DYNC2I1: variants seen among roughly 807,000 people sequenced by gnomAD.
DYNC2I1 encodes the protein dynein 2 intermediate chain 1.
Under a neutral mutation model 133.4 loss-of-function variants are expected in DYNC2I1, and 89 were observed. The observed-to-expected ratio is 0.67, with a 90% CI of 0.56 to 0.80. The LOEUF (loss-of-function observed/expected upper bound fraction) is 0.80, where lower values mean the gene tolerates loss of function less well. DYNC2I1 is among the 30% of genes least tolerant of loss of function. The probability of loss-of-function intolerance (pLI) is 0.00; values close to 1 mark genes in which losing one functional copy is unlikely to be tolerated. For synonymous variants in DYNC2I1, 504 were observed against 484.3 expected (o/e 1.04, Z -0.54); for missense variants, 1,291 against 1,314.5 (o/e 0.98, Z 0.28).
At chr7:158,933,238 ATAAAAC>A (rs892015434) in intron 21 of DYNC2I1, among the ~76,000 whole-genome samples, 1 of 152,218 alleles carries the variant, frequency 6.6e-6, no homozygotes, top group African/African-American at 2.4e-5. Context: ...AAAGGAAAAA[ATAAAAC>A]TAAGTATAGT....
At chr7:158,893,710 C>T (rs1220203878) in intron 8 of DYNC2I1, among the ~76,000 whole-genome samples, 1 of 152,054 alleles carries the variant, frequency 6.6e-6, no homozygotes, top group Non-Finnish European at 1.5e-5. Context: ...GCATATCGTA[C>T]CACATATCGT....
intron 5 of DYNC2I1, 149 bp downstream of exon 5, chr7:158,880,138 G>C: frequency 2.4e-6 from 2 of 835,566 alleles, no homozygotes; most frequent in South Asian, 1.9e-5. Flanking sequence ...TCTTGATTAC[G>C]TGGTTAGTAT....
At chr7:158,848,246 G>A in the DYNC2I1 span, among the ~76,000 whole-genome samples, 1 of 152,184 alleles carries the variant, frequency 6.6e-6, no homozygotes, top group South Asian at 2.1e-4. Flanking sequence ...GCTGAGTGGA[G>A]CACCCCAGAT....
chr7:158,878,638 A>G (rs1176755239), intron 4 of DYNC2I1, among the ~76,000 whole-genome samples: 2 of 138,940 alleles, frequency 1.4e-5, no homozygotes, highest in East Asian at 4.6e-4. Context: ...GGAGGCCAGG[A>G]GGGCCGACTC....
the DYNC2I1 span, among the ~76,000 whole-genome samples, chr7:158,843,778 G>T: frequency 6.6e-5 from 10 of 152,274 alleles, no homozygotes; most frequent in East Asian, 1.9e-3. Context: ...GATTTATTTT[G>T]CTGAGGTTGA....
the DYNC2I1 span, among the ~76,000 whole-genome samples, chr7:158,842,051 C>T: frequency 1.3e-5 from 2 of 152,134 alleles, no homozygotes; most frequent in African/African-American, 2.4e-5. Context: ...TGTTTTGAGA[C>T]GGAGTCTTGC....
chr7:158,859,256 C>G (rs1049515983), intron 1 of DYNC2I1, among the ~76,000 whole-genome samples: 1 of 151,788 alleles, frequency 6.6e-6, no homozygotes, highest in African/African-American at 2.4e-5. Flanking sequence ...AAGAGTTTGG[C>G]TTAGCATAGA....
At chr7:158,916,723 C>G (rs1325726350) in intron 14 of DYNC2I1, among the ~76,000 whole-genome samples, 4 of 59,566 alleles carry the variant, frequency 6.7e-5, no homozygotes, top group East Asian at 4.4e-4. Flanking sequence ...CGCTGGTTGA[C>G]ATTAAGGATG....
At chr7:158,878,366 G>A (rs1463829492) in intron 4 of DYNC2I1, among the ~76,000 whole-genome samples, 4 of 137,218 alleles carry the variant, frequency 2.9e-5, no homozygotes, top group African/African-American at 1.1e-4. Flanking sequence ...GAGGAGGGGA[G>A]GCCAGGAGGG....
intron 4 of DYNC2I1, among the ~76,000 whole-genome samples, chr7:158,953,993 C>T (rs1852131429): frequency 6.6e-6 from 1 of 152,164 alleles, no homozygotes; most frequent in East Asian, 1.9e-4. Flanking sequence ...CTGTAATCCC[C>T]ACGTGTTTTC....
rs1849319738 is a variant in DYNC2I1, at chr7:158,923,668, G to T, written c.2192G>T (p.Arg731Met). Reference sequence around the variant, plus strand: ...GTCTGGGATTTGAGAGAAGACTCAAGGCTGCATTACTCTGTGACGCTGAGC... The same window carrying T: ...GTCTGGGATTTGAGAGAAGACTCAATGCTGCATTACTCTGTGACGCTGAGC... ...VVVWDLREDS[R>M]LHYSVTLSDG... The change falls in exon 17 of 25, where the codon AGG becomes ATG. Residue 731 changes from arginine (R) to methionine (M), a missense_variant. Arg to Met is a moderately conservative substitution (Grantham distance 91). Transcript: ENST00000407559. The T allele has an allele frequency of 1.2e-6, 2 of 1,613,986 alleles. No individual in the cohort carries two copies. Among genetic ancestry groups the T allele is most frequent in the African/African-American group, 1.3e-5 (1 of 75,038 alleles).
intron 24 of DYNC2I1, among the ~76,000 whole-genome samples, chr7:158,943,259 C>G (rs188442413): frequency 6.6e-5 from 10 of 152,318 alleles, no homozygotes; most frequent in African/African-American, 2.4e-4. Context: ...ACACAACACA[C>G]CTGCAGTTTA....
At chr7:158,950,408 C>A (rs1460512344), downstream of DYNC2I1, among the ~76,000 whole-genome samples, 2 of 151,762 alleles carry the variant, frequency 1.3e-5, no homozygotes, top group African/African-American at 2.4e-5. Context: ...CTATATGATT[C>A]CAGGTGTTCT....
At chr7:158,867,559 G>A (rs1354009222) in intron 1 of DYNC2I1, among the ~76,000 whole-genome samples, 1 of 152,180 alleles carries the variant, frequency 6.6e-6, no homozygotes. Context: ...AGGTGGCGGC[G>A]AGGGTGCAGA....
chr7:158,899,903 G>T (rs1846081210), intron 8 of DYNC2I1, among the ~76,000 whole-genome samples: 1 of 152,064 alleles, frequency 6.6e-6, no homozygotes, highest in Non-Finnish European at 1.5e-5. Context: ...TCTTTCTGAA[G>T]AACTTCTTTT....
intron 8 of DYNC2I1, among the ~76,000 whole-genome samples, chr7:158,892,408 G>C (rs1237371451): frequency 1.3e-5 from 2 of 151,984 alleles, no homozygotes; most frequent in Non-Finnish European, 2.9e-5. Context: ...GTGCCAAGAG[G>C]ACCTTATTTA....
intron 4 of DYNC2I1, among the ~76,000 whole-genome samples, chr7:158,954,266 T>C (rs1478408770): frequency 6.6e-6 from 1 of 152,230 alleles, no homozygotes; most frequent in Non-Finnish European, 1.5e-5. Context: ...AGTATGTCTT[T>C]ATAAGCAGTG....
intron 23 of DYNC2I1, among the ~76,000 whole-genome samples, chr7:158,938,417 T>C (rs937179813): frequency 6.6e-5 from 10 of 152,128 alleles, no homozygotes; most frequent in Non-Finnish European, 1.0e-4. Flanking sequence ...TTCCCAGATA[T>C]ACAAAAGCTG....
Position 158,856,720 on chromosome 7 carries a change from G to A in DYNC2I1, c.-16G>A. 1 of 1,233,958 alleles carries A rather than the reference G, an allele frequency of 8.1e-7. No homozygotes were observed. The allele number at this position is 1,233,958 out of a possible 1,614,324, so 76.4% of individuals were successfully genotyped here. ...GGGGCCGAGGACACCGCGGCCGCCC[G>A]GGCCTGCGGGAAGCGATGGAGCCCG... On this transcript the variant is annotated 5_prime_UTR_variant, in exon 1 of 25. Coordinates refer to ENST00000407559, the MANE Select transcript of DYNC2I1 (RefSeq NM_018051.5).
Sources: allele counts gnomAD v4.1 joint callset (sites outside exome capture counted in the v4.1 genomes callset), GRCh38; gene constraint gnomAD v4.1.1; transcripts MANE v1.5; gene names NCBI Gene and HGNC (gene_info 2026-07-23, HGNC 2026-07-21).